KYAT1: variants seen among roughly 807,000 people sequenced by gnomAD.
KYAT1 encodes kynurenine--oxoglutarate transaminase 1.
Under a neutral mutation model 52.4 loss-of-function variants are expected in KYAT1, and 47 were observed. The observed-to-expected ratio is 0.90, with a 90% CI of 0.71 to 1.14. The LOEUF (loss-of-function observed/expected upper bound fraction) is 1.14, where lower values mean the gene tolerates loss of function less well. Among genes scored for constraint, KYAT1 ranks in the 50% most tolerant of loss-of-function variants. KYAT1 has a pLI of 0.00. For missense variants in KYAT1, 480 were observed against 557.9 expected, an observed-to-expected ratio of 0.86 and a Z score of 1.41; for synonymous variants, 212 against 209.6, an observed-to-expected ratio of 1.01 and a Z score of -0.10.
chr9:128,882,147 G>T, upstream of KYAT1: 1 of 152,542 alleles, frequency 6.6e-6, no homozygotes, highest in South Asian at 2.0e-4. Flanking sequence ...GGTGCAGTGA[G>T]GGACAAACAA....
intron 1 of KYAT1, among the ~76,000 whole-genome samples, chr9:128,845,699 G>A (rs1253658404): frequency 6.6e-6 from 1 of 152,176 alleles, no homozygotes; most frequent in Non-Finnish European, 1.5e-5. Flanking sequence ...GGCTCCATGC[G>A]TCCTGAGACA....
intron 1 of KYAT1, among the ~76,000 whole-genome samples, chr9:128,877,608 G>A (rs1838237652): frequency 6.6e-6 from 1 of 152,182 alleles, no homozygotes; most frequent in East Asian, 1.9e-4. Context: ...TTGGGGACAG[G>A]AGCCATGTCT....
At chr9:128,878,245 GTA>G (rs1326432023) in intron 1 of KYAT1, among the ~76,000 whole-genome samples, 2 of 151,216 alleles carry the variant, frequency 1.3e-5, no homozygotes, top group Non-Finnish European at 2.9e-5. Context: ...AGCGATTCTT[GTA>G]CCTCAGCCTC....
At chr9:128,843,932 G>A (rs977153195) in intron 2 of KYAT1, among the ~76,000 whole-genome samples, 3 of 152,174 alleles carry the variant, frequency 2.0e-5, no homozygotes, top group African/African-American at 4.8e-5. Flanking sequence ...GGACCACTGT[G>A]GGGATAAGGA....
At chr9:128,863,214 G>A (rs1835697792) in intron 1 of KYAT1, among the ~76,000 whole-genome samples, 1 of 152,106 alleles carries the variant, frequency 6.6e-6, no homozygotes, top group Non-Finnish European at 1.5e-5. Flanking sequence ...CACACAAGGA[G>A]GAGGGCAGTG....
chr9:128,845,328 C>T, intron 2 of KYAT1, 25 bp downstream of exon 2: 1 of 1,611,042 alleles, frequency 6.2e-7, no homozygotes, highest in Non-Finnish European at 8.5e-7. Flanking sequence ...GACACCCACA[C>T]ACCTCCCCAG....
At chr9:128,878,173 C>T (rs1235149278) in intron 1 of KYAT1, among the ~76,000 whole-genome samples, 11 of 151,514 alleles carry the variant, frequency 7.3e-5, no homozygotes, top group Admixed American at 3.9e-4. Flanking sequence ...CTTGCTCTAT[C>T]GCCCAGGCTG....
In KYAT1 at chr9:128,836,905, C is replaced by G; in HGVS notation, c.585G>C (p.Glu195Asp). ...NPLGKVFSRE[E>D]LELVASLCQQ... ...GGCAAAGGCTGGCCACCAGCTCCAG[C>G]TCTTCCCTGGAGAACACCTGCAGAT... The change falls in exon 7 of 13, where the codon GAG becomes GAC. Residue 195 changes from glutamate (E) to aspartate (D), a missense_variant. Physicochemically the swap from Glu to Asp is conservative, Grantham distance 45 (BLOSUM62 2). Coordinates refer to ENST00000302586, the MANE Select transcript of KYAT1 (RefSeq NM_004059.5). The G allele has an allele frequency of 6.2e-7, 1 of 1,613,066 alleles. No homozygotes were observed. Among genetic ancestry groups the G allele is most frequent in the Non-Finnish European group, 8.5e-7 (1 of 1,179,806 alleles).
intron 1 of KYAT1, among the ~76,000 whole-genome samples, chr9:128,864,351 G>A (rs1171826089): frequency 4.6e-5 from 6 of 131,370 alleles, no homozygotes; most frequent in African/African-American, 1.1e-4. Flanking sequence ...GGGCGACAGA[G>A]CGAGACTCTG....
At chr9:128,845,158 C>T (rs1220579684) in intron 2 of KYAT1, among the ~76,000 whole-genome samples, 195 bp downstream of exon 2, 1 of 152,118 alleles carries the variant, frequency 6.6e-6, no homozygotes, top group Non-Finnish European at 1.5e-5. Flanking sequence ...GTCCTAGTGG[C>T]ACAGTCATGC....
chr9:128,864,505 C>G, intron 1 of KYAT1, among the ~76,000 whole-genome samples: 1 of 151,956 alleles, frequency 6.6e-6, no homozygotes, highest in East Asian at 1.9e-4. Flanking sequence ...AACTCTGTAC[C>G]CATTAAACAA....
intron 1 of KYAT1, among the ~76,000 whole-genome samples, chr9:128,857,867 A>C (rs2130608690): frequency 6.6e-6 from 1 of 152,276 alleles, no homozygotes; most frequent in Middle Eastern, 3.4e-3. Flanking sequence ...AACAAAACTA[A>C]ATGTATGAAC....
intron 1 of KYAT1, among the ~76,000 whole-genome samples, chr9:128,857,012 C>T (rs1475637527): frequency 1.3e-5 from 2 of 152,198 alleles, no homozygotes; most frequent in East Asian, 3.8e-4. Context: ...TACATTTGTT[C>T]AATTCTGAGA....
At chr9:128,856,917 A>G (rs936848021) in intron 1 of KYAT1, among the ~76,000 whole-genome samples, 1 of 152,230 alleles carries the variant, frequency 6.6e-6, no homozygotes, top group Non-Finnish European at 1.5e-5. Flanking sequence ...GTAAAAGAGG[A>G]AAGCCTCTTG....
rs759610920 is a variant in KYAT1, at chr9:128,833,649, C to T, written c.1210-6G>A. 6 of 1,614,224 alleles carry T rather than the reference C, an allele frequency of 3.7e-6. No individual in the cohort carries two copies. The South Asian group carries it at 5.5e-5, about 15-fold the overall frequency. On this transcript the variant is annotated splice_region_variant and splice_polypyrimidine_tract_variant and intron_variant, in intron 12 of 12. Coordinates refer to ENST00000302586, the MANE Select transcript of KYAT1 (RefSeq NM_004059.5). ...GCCTGGAGCGTGGCTTCATCCTGCG[C>T]CAGCACAGATTAGTCCTACACTCTC... is the stretch of plus-strand genomic sequence containing the variant.
intron 7 of KYAT1, 21 bp downstream of exon 7, chr9:128,836,781 C>A: frequency 6.2e-7 from 1 of 1,609,332 alleles, no homozygotes. Context: ...AGGGGAGGGG[C>A]CCCAGGCTGG....
chr9:128,870,859 T>C (rs1837123868), intron 1 of KYAT1, among the ~76,000 whole-genome samples: 1 of 151,940 alleles, frequency 6.6e-6, no homozygotes, highest in African/African-American at 2.4e-5. Context: ...AGTGACATAA[T>C]GTTTGTACAA....
intron 1 of KYAT1, among the ~76,000 whole-genome samples, chr9:128,862,773 C>G (rs1835634613): frequency 6.6e-6 from 1 of 152,138 alleles, no homozygotes; most frequent in Admixed American, 6.6e-5. Flanking sequence ...GGCAGTGCAT[C>G]GGGCCTATGT....
At position 128,836,911 on chromosome 9, in the gene KYAT1, C is replaced by G. The variant is rs749465360; in HGVS notation, c.579G>C (p.Arg193Ser). ...PNNPLGKVFS[R>S]EELELVASLC... ...GGCTGGCCACCAGCTCCAGCTCTTC[C>G]CTGGAGAACACCTGCAGATGCCCAA... The change falls in exon 7 of 13, where the codon AGG becomes AGC. Residue 193 changes from arginine to serine, a missense_variant. Arg to Ser is a moderately radical substitution (Grantham distance 110). Coordinates refer to ENST00000302586, the MANE Select transcript of KYAT1 (RefSeq NM_004059.5). 1 of 1,612,740 alleles carries G rather than the reference C, an allele frequency of 6.2e-7. No individual in the cohort carries two copies. The highest frequency in any genetic ancestry group is 1.1e-5 in the South Asian group (1 of 91,042).
Sources: allele counts gnomAD v4.1 joint callset (sites outside exome capture counted in the v4.1 genomes callset), GRCh38; gene constraint gnomAD v4.1.1; transcripts MANE v1.5; gene names NCBI Gene and HGNC (gene_info 2026-07-23, HGNC 2026-07-21).